The following GLIS1 variants were observed in gnomAD, a reference collection of about 807,000 sequenced individuals.
GLIS1 encodes the protein GLIS family zinc finger 1.
Under a neutral mutation model 63.8 loss-of-function variants are expected in GLIS1, and 24 were observed. The observed-to-expected ratio is 0.38, with a 90% CI of 0.27 to 0.53. The LOEUF is 0.53. Among genes scored for constraint, GLIS1 ranks in the 20% least tolerant of loss-of-function variants. The probability of loss-of-function intolerance (pLI) is 0.85; values close to 1 mark genes in which losing one functional copy is unlikely to be tolerated. For synonymous variants in GLIS1, 450 were observed against 482.5 expected (o/e 0.93, Z 0.88); for missense variants, 1,036 against 1,074.1 (o/e 0.96, Z 0.50).
At chr1:53,556,105 G>A (rs1401605288) in intron 4 of GLIS1, among the ~76,000 whole-genome samples, 1 of 147,208 alleles carries the variant, frequency 6.8e-6, no homozygotes, top group East Asian at 2.1e-4. Flanking sequence ...GCAGGTGTGT[G>A]TGTGTATGCA....
At chr1:53,705,781 T>C (rs1265574107) in intron 2 of GLIS1, among the ~76,000 whole-genome samples, 1 of 152,176 alleles carries the variant, frequency 6.6e-6, no homozygotes, top group African/African-American at 2.4e-5. Flanking sequence ...CCACTTTTTA[T>C]ATTTACCCAA....
rs576976632 is a variant in GLIS1 at position 53,506,367 on chromosome 1, G to A, written c.*252C>T. ...TTTCAAAACCACTGCGGGGAGGAAC[G>A]GGAAGACAAGATCGAGGGAATGTTA... is the stretch of plus-strand genomic sequence containing the variant. On this transcript the variant is annotated 3_prime_UTR_variant, in exon 11 of 11. Transcript: ENST00000628545. The A allele has an allele frequency of 9.9e-5, 49 of 494,720 alleles. No homozygotes were observed. Among genetic ancestry groups the A allele is most frequent in the African/African-American group, 4.9e-4 (26 of 52,586 alleles). The allele number at this position is 494,720 out of a possible 1,614,324, so 30.6% of individuals were successfully genotyped here.
At chr1:53,674,877 C>A (rs185115781) in intron 2 of GLIS1, among the ~76,000 whole-genome samples, 1 of 152,314 alleles carries the variant, frequency 6.6e-6, no homozygotes, top group Non-Finnish European at 1.5e-5. Flanking sequence ...GGCCTGAGGT[C>A]ATTCAGGCAG....
rs777239687 is a variant in GLIS1 at position 53,594,863 on chromosome 1, C to T, written c.565G>A (p.Gly189Ser). The T allele has an allele frequency of 3.8e-6, 6 of 1,583,326 alleles. No homozygotes were observed. The Middle Eastern group carries it at 8.2e-4, about 216-fold the overall frequency. The change falls in exon 4 of 11, where the codon GGC (glycine) becomes AGC (serine). Residue 189 changes from glycine to serine, a missense_variant. Physicochemically the swap from Gly to Ser is moderately conservative, Grantham distance 56 (BLOSUM62 0). Coordinates refer to ENST00000628545, the MANE Select transcript of GLIS1 (RefSeq NM_001367484.1). ...GGGTGCAGGCCAGTGGCCAGCGGGC[C>T]CCGACAGTGGGCAGACAGGGATGTG... is the stretch of plus-strand genomic sequence containing the variant. ...ARTSLSAHCR[G>S]PLATGLHPDL...
At chr1:53,628,609 CA>C (rs1361384686) in intron 2 of GLIS1, among the ~76,000 whole-genome samples, 1 of 152,104 alleles carries the variant, frequency 6.6e-6, no homozygotes, top group African/African-American at 2.4e-5. Context: ...ACCTAACTCT[CA>C]GAAGCCGAAG....
At chr1:53,662,545 C>T (rs894767577) in intron 2 of GLIS1, among the ~76,000 whole-genome samples, 3 of 152,120 alleles carry the variant, frequency 2.0e-5, no homozygotes, top group Non-Finnish European at 2.9e-5. Context: ...AATAATCAAG[C>T]GTGGATCCTG....
chr1:53,612,845 G>T (rs1257391264), intron 2 of GLIS1, among the ~76,000 whole-genome samples: 1 of 143,876 alleles, frequency 7.0e-6, no homozygotes, highest in Non-Finnish European at 1.5e-5. Flanking sequence ...TTGAGATGGG[G>T]TCTCGCTCTG....
At chr1:53,564,025 GAAGATGATCCCAGAAGA>G (rs1251407959) in intron 4 of GLIS1, among the ~76,000 whole-genome samples, 2 of 152,186 alleles carry the variant, frequency 1.3e-5, no homozygotes, top group Non-Finnish European at 2.9e-5. Flanking sequence ...CAGGAAGAAG[GAAGATGATCCCAGAAGA>G]AAGGTATAAA....
intron 4 of GLIS1, among the ~76,000 whole-genome samples, chr1:53,566,699 C>T (rs768805946): frequency 6.6e-6 from 1 of 152,076 alleles, no homozygotes; most frequent in African/African-American, 2.4e-5. Context: ...TGAGTTCTCA[C>T]AAGATCTGAT....
In GLIS1 at chr1:53,639,513, C is replaced by A. The variant is rs1401486513; in HGVS notation, c.260-39235G>T. Among the ~76,000 whole-genome samples, 1 of 152,088 alleles carries A rather than the reference C, an allele frequency of 6.6e-6. No individual in the cohort carries two copies. The highest frequency in any genetic ancestry group is 1.5e-5 in the Non-Finnish European group (1 of 68,024). ...TGCGCACAGGCTGTTTTGGTTGGAA[C>A]CCTGGCCCTTTTCTGTGGTTGCAGC... On this transcript the variant is annotated intron_variant, in intron 2 of 10. Coordinates refer to ENST00000628545, the MANE Select transcript of GLIS1 (RefSeq NM_001367484.1). This position sits in a 1 kb window ranked among gnomAD's most constrained non-coding sequence, Gnocchi z 4.6.
chr1:53,637,801 C>T (rs1388561010), intron 2 of GLIS1, among the ~76,000 whole-genome samples: 2 of 152,120 alleles, frequency 1.3e-5, no homozygotes, highest in African/African-American at 4.8e-5. Flanking sequence ...GCGCAGCTAC[C>T]AATTGCAGAG....
intron 4 of GLIS1, among the ~76,000 whole-genome samples, chr1:53,552,558 C>T (rs540199027): frequency 4.6e-5 from 7 of 152,336 alleles, no homozygotes; most frequent in South Asian, 4.2e-4. Context: ...TGGTTTTCCT[C>T]TGGGGTGATT....
chr1:53,558,725 T>C lies in GLIS1; in HGVS notation c.1321-28773A>G, dbSNP rs574251093. 7.2e-5 allele frequency among the ~76,000 whole-genome samples: 11 copies of C among 152,268 alleles called. No individual in the cohort carries two copies. The East Asian group carries it at 2.1e-3, about 29-fold the overall frequency. On this transcript the variant is annotated intron_variant, in intron 4 of 10. Coordinates refer to ENST00000628545, the MANE Select transcript of GLIS1 (RefSeq NM_001367484.1). ...AGAGGAGCTTTTAGCAAAAGCTGAG[T>C]GAGTGAATGAATGAATTAATAAATG...
At chr1:53,613,644 T>G (rs1645448853) in intron 2 of GLIS1, among the ~76,000 whole-genome samples, 1 of 15,002 alleles carries the variant, frequency 6.7e-5, no homozygotes, top group African/African-American at 9.8e-5. Flanking sequence ...AAAAATGATA[T>G]TTTTGGTGGT....
intron 2 of GLIS1, among the ~76,000 whole-genome samples, chr1:53,671,166 CTGCTA>C (rs1045466453): frequency 5.3e-5 from 8 of 152,252 alleles, no homozygotes; most frequent in African/African-American, 1.9e-4. Flanking sequence ...TTTTCAGTTA[CTGCTA>C]TAATGCTGTC....
intron 2 of GLIS1, among the ~76,000 whole-genome samples, chr1:53,647,135 G>A (rs1192201209): frequency 6.6e-6 from 1 of 152,144 alleles, no homozygotes; most frequent in East Asian, 1.9e-4. Flanking sequence ...GCTGGAAGTT[G>A]CAAATTTTTC....
At chr1:53,537,992 A>G (rs1198919798) in intron 4 of GLIS1, among the ~76,000 whole-genome samples, 4 of 152,262 alleles carry the variant, frequency 2.6e-5, no homozygotes, top group Non-Finnish European at 5.9e-5. Context: ...AACATGTCAA[A>G]TAATCCTGCG....
At chr1:53,632,377 G>GTGAGTGTGACTGAGGGGTGTT (rs1256047268) in intron 2 of GLIS1, among the ~76,000 whole-genome samples, 2 of 148,166 alleles carry the variant, frequency 1.3e-5, no homozygotes, top group Non-Finnish European at 1.5e-5. Context: ...TGAGGGGTGT[G>GTGAGTGTGACTGAGGGGTGTT]TGAGTGTGAC....
In GLIS1 at chr1:53,598,594, G is replaced by A. The variant is rs367929883; in HGVS notation, c.437+1507C>T. On this transcript the variant is annotated intron_variant, in intron 3 of 10. Coordinates refer to ENST00000628545, the MANE Select transcript of GLIS1 (RefSeq NM_001367484.1). This position sits in a 1 kb window ranked among gnomAD's most constrained non-coding sequence, Gnocchi z 4.6. ...AGGGATGGCCACGTGAGTACTCAGC[G>A]ACAAGGCGGTCATCTGCGAGCTAAG... Among the ~76,000 whole-genome samples, 8 of 151,932 alleles carry A rather than the reference G, an allele frequency of 5.3e-5. No homozygotes were observed. The highest frequency in any genetic ancestry group is 1.9e-4 in the East Asian group (1 of 5,186).
Sources: gnomAD v4.1 joint callset for allele counts (sites outside exome capture counted in the v4.1 genomes callset) on GRCh38, gnomAD v4.1.1 for gene constraint, Gnocchi (gnomAD v3.1) non-coding constraint, MANE v1.5 for transcripts, NCBI Gene and HGNC (gene_info 2026-07-23, HGNC 2026-07-21) for gene names.